MCTP2: variants seen among roughly 807,000 people sequenced by gnomAD.
MCTP2 encodes multiple C2 and transmembrane domain-containing protein 2.
Under a neutral mutation model 111.6 loss-of-function variants are expected in MCTP2, and 132 were observed. The observed-to-expected ratio is 1.18, with a 90% CI of 1.03 to 1.37. The LOEUF (loss-of-function observed/expected upper bound fraction) is 1.37, where lower values mean the gene tolerates loss of function less well. Ranked by LOEUF, MCTP2 falls within the 40% of genes most tolerant of loss-of-function variation. The probability of loss-of-function intolerance (pLI) is 0.00; values close to 1 mark genes in which losing one functional copy is unlikely to be tolerated. For synonymous variants in MCTP2, 395 were observed against 387.7 expected (o/e 1.02, Z -0.22); for missense variants, 1,183 against 1,067.9 (o/e 1.11, Z -1.50).
Position 94,402,866 on chromosome 15 carries a change from A to T in MCTP2, c.2085+847A>T, listed in dbSNP as rs537892741. ...AGGTATGAGTGGTCTAAGAGTGTGAATATCAGTCATGATCATTGGTGAATC... is the reference window on the plus strand; with the variant it reads ...AGGTATGAGTGGTCTAAGAGTGTGATTATCAGTCATGATCATTGGTGAATC... On this transcript the variant is annotated intron_variant, in intron 17 of 22. Transcript: ENST00000357742. 873 of 1,178,756 alleles carry T rather than the reference A, an allele frequency of 7.4e-4. 7 individuals carry two copies. The Middle Eastern group carries it at 0.011, about 15-fold the overall frequency. 73.0% of individuals were successfully genotyped at this position (1,178,756 alleles called of 1,614,324 possible).
At chr15:94,258,170 C>T (rs1412270210) in intron 1 of MCTP2, among the ~76,000 whole-genome samples, 1 of 151,866 alleles carries the variant, frequency 6.6e-6, no homozygotes, top group African/African-American at 2.4e-5. Flanking sequence ...GCCACTGTGC[C>T]TGGCCACATA....
chr15:94,284,852 A>G (rs1399606823), intron 1 of MCTP2, among the ~76,000 whole-genome samples: 2 of 152,250 alleles, frequency 1.3e-5, no homozygotes, highest in Non-Finnish European at 2.9e-5. Context: ...AGAACACTAA[A>G]AGGCCTTTAC....
chr15:94,307,965 C>CATA (rs140379246), intron 2 of MCTP2, among the ~76,000 whole-genome samples: 30,201 of 151,466 alleles, frequency 0.2, 3,243 homozygotes, highest in East Asian at 0.35. Flanking sequence ...TAATATAATT[C>CATA]ATAATAATAA....
Position 94,252,409 on chromosome 15 carries a change from G to T in MCTP2, c.-66+20745G>T, listed in dbSNP as rs76020134. Reference sequence around the variant, plus strand: ...CGTTTTTACAGAGCTTACTACAGTTGTAAGACATGACCTTTTGAATTGTCA... The same window carrying T: ...CGTTTTTACAGAGCTTACTACAGTTTTAAGACATGACCTTTTGAATTGTCA... On this transcript the variant is annotated intron_variant, in intron 1 of 22. Coordinates refer to ENST00000357742, the MANE Select transcript of MCTP2 (RefSeq NM_001385001.1). Among the ~76,000 whole-genome samples, 5 of 152,268 alleles carry T rather than the reference G, an allele frequency of 3.3e-5. No individual in the cohort carries two copies. In the East Asian group the frequency reaches 7.7e-4, roughly 23 times the overall value.
chr15:94,430,365 AAAAC>A (rs969417593), intron 17 of MCTP2, among the ~76,000 whole-genome samples: 33 of 148,734 alleles, frequency 2.2e-4, no homozygotes, highest in East Asian at 6.0e-4. Context: ...TTTTTAAAAA[AAAAC>A]AAACAAAAAA....
At chr15:94,419,757 T>TTA (rs5814640) in intron 17 of MCTP2, among the ~76,000 whole-genome samples, 1 of 46,140 alleles carries the variant, frequency 2.2e-5, no homozygotes, top group Non-Finnish European at 4.5e-5. Context: ...ATACTGCTTA[T>TTA]TTTTTTTTTT....
At chr15:94,305,746 G>C (rs1465662409) in intron 2 of MCTP2, among the ~76,000 whole-genome samples, 1 of 152,164 alleles carries the variant, frequency 6.6e-6, no homozygotes, top group African/African-American at 2.4e-5. Context: ...AGTTGTGTTG[G>C]GGAAGGGTGA....
intron 17 of MCTP2, among the ~76,000 whole-genome samples, chr15:94,417,483 A>G (rs2082426701): frequency 6.6e-6 from 1 of 152,066 alleles, no homozygotes; most frequent in East Asian, 1.9e-4. Context: ...TTTGGTGCAC[A>G]AAAGATTGTT....
At chr15:94,391,929 G>T (rs549811799) in intron 14 of MCTP2, among the ~76,000 whole-genome samples, 1 of 152,264 alleles carries the variant, frequency 6.6e-6, no homozygotes, top group South Asian at 2.1e-4. Flanking sequence ...GATTCAAAGA[G>T]TAAAATCTAA....
chr15:94,470,297 A>C, intron 20 of MCTP2, 36 bp from the exon 21 acceptor site: 1 of 1,391,000 alleles, frequency 7.2e-7, no homozygotes, highest in Non-Finnish European at 1.0e-6. Context: ...GTTGTTGAAC[A>C]TCAGAGGAAA....
intron 1 of MCTP2, among the ~76,000 whole-genome samples, chr15:94,245,267 T>C (rs2071767526): frequency 7.0e-6 from 1 of 142,974 alleles, no homozygotes. Context: ...TATACATATG[T>C]GTATATACGT....
intron 21 of MCTP2, among the ~76,000 whole-genome samples, chr15:94,472,301 C>T (rs1025933655): frequency 2.0e-5 from 3 of 152,062 alleles, no homozygotes; most frequent in East Asian, 1.9e-4. Context: ...CGCTTGAATC[C>T]GGGAGGCGGA....
intron 17 of MCTP2, among the ~76,000 whole-genome samples, chr15:94,424,328 T>TC (rs1379529243): frequency 2.6e-5 from 4 of 152,078 alleles, no homozygotes; most frequent in African/African-American, 9.7e-5. Flanking sequence ...GTTTTTTTTT[T>TC]CCATTATCAA....
chr15:94,282,957 G>C (rs1340304973), intron 1 of MCTP2, among the ~76,000 whole-genome samples: 1 of 152,130 alleles, frequency 6.6e-6, no homozygotes, highest in African/African-American at 2.4e-5. Flanking sequence ...GCAACACTCT[G>C]ATGGGGGCTG....
Position 94,370,141 on chromosome 15 carries a change from G to A in MCTP2, c.1543G>A (p.Val515Ile). 1 of 1,613,460 alleles carries A rather than the reference G, an allele frequency of 6.2e-7. No individual in the cohort carries two copies. ...AGACGTCGGCATTCTACAAGTGAAG[G>A]TTTTAAAGGCAGCAGATCTCTTAGC... ...VKDVGILQVK[V>I]LKAADLLAAD... Residue 515 changes from valine (V) to isoleucine (I), a missense_variant, in exon 12 of 23, where the codon GTT (valine) becomes ATT (isoleucine). Val to Ile is a conservative substitution (Grantham distance 29). Transcript: ENST00000357742.
intron 21 of MCTP2, among the ~76,000 whole-genome samples, chr15:94,471,026 A>G (rs1360010830): frequency 6.6e-6 from 1 of 152,222 alleles, no homozygotes; most frequent in East Asian, 1.9e-4. Context: ...CTTTAAAAAG[A>G]AAGTAGAAAC....
At chr15:94,238,630 G>A (rs917768533) in intron 1 of MCTP2, among the ~76,000 whole-genome samples, 1 of 152,178 alleles carries the variant, frequency 6.6e-6, no homozygotes, top group South Asian at 2.1e-4. Context: ...AGAGCTTACA[G>A]TTGAGAGGGG....
intron 10 of MCTP2, among the ~76,000 whole-genome samples, chr15:94,366,722 C>T (rs536590940): frequency 1.4e-4 from 21 of 152,048 alleles, no homozygotes; most frequent in South Asian, 2.1e-4. Flanking sequence ...AAAAAAATGA[C>T]GTCTGGGAAT....
intron 2 of MCTP2, among the ~76,000 whole-genome samples, chr15:94,301,407 C>G (rs1243961044): frequency 1.3e-5 from 2 of 152,120 alleles, no homozygotes; most frequent in African/African-American, 4.8e-5. Flanking sequence ...AACTGAAGAA[C>G]CTGGAGTCTG....
Sources: gnomAD v4.1 joint callset for allele counts (sites outside exome capture counted in the v4.1 genomes callset) on GRCh38, gnomAD v4.1.1 for gene constraint, MANE v1.5 for transcripts, NCBI Gene and HGNC (gene_info 2026-07-23, HGNC 2026-07-21) for gene names.